The following CSMD1 variants were observed in gnomAD, a reference collection of about 807,000 sequenced individuals.
The protein encoded by CSMD1 is CUB and sushi domain-containing protein 1.
In CSMD1, 213 loss-of-function variants were observed where a neutral mutation model predicts 417.5. The observed-to-expected ratio is 0.51, with a 90% CI of 0.46 to 0.57. The LOEUF is 0.57. Among genes scored for constraint, CSMD1 ranks in the 20% least tolerant of loss-of-function variants. The pLI is 0.00. For missense variants in CSMD1, 6,923 were observed against 4,529.7 expected (o/e 1.53, Z -15.17); for synonymous variants, 2,862 against 1,736.8 (o/e 1.65, Z -16.11).
intron 1 of CSMD1, among the ~76,000 whole-genome samples, chr8:4,708,204 C>T (rs973940236): frequency 3.9e-5 from 6 of 152,104 alleles, no homozygotes; most frequent in African/African-American, 9.7e-5. Flanking sequence ...CCTACCTGGG[C>T]CTTCTAAAGT....
chr8:3,843,143 T>C (rs149319787), intron 5 of CSMD1, among the ~76,000 whole-genome samples: 132 of 152,318 alleles, frequency 8.7e-4, no homozygotes, highest in African/African-American at 1.4e-3. Context: ...GCACATCTAA[T>C]GGAATCAATT....
chr8:3,111,720 T>C (rs1816529095), intron 42 of CSMD1, among the ~76,000 whole-genome samples: 1 of 151,910 alleles, frequency 6.6e-6, no homozygotes, highest in South Asian at 2.1e-4. Flanking sequence ...TAATCCCAAG[T>C]ACTTGGGGGG....
At chr8:3,806,983 C>T (rs1461955020) in intron 5 of CSMD1, among the ~76,000 whole-genome samples, 1 of 152,094 alleles carries the variant, frequency 6.6e-6, no homozygotes, top group Non-Finnish European at 1.5e-5. Context: ...ATTCTAGCTA[C>T]TAGGTGCCAG....
chr8:3,560,348 T>A (rs534174352), intron 10 of CSMD1, among the ~76,000 whole-genome samples: 1 of 152,310 alleles, frequency 6.6e-6, no homozygotes, highest in South Asian at 2.1e-4. Flanking sequence ...ATCATTATCA[T>A]CACCACAGTT....
intron 3 of CSMD1, among the ~76,000 whole-genome samples, chr8:4,145,244 T>G (rs535385307): frequency 6.6e-6 from 1 of 151,092 alleles, no homozygotes; most frequent in East Asian, 1.9e-4. Flanking sequence ...ATTCATGACC[T>G]GGACAGGTAT....
At chr8:3,904,690 G>C (rs1403851242) in intron 5 of CSMD1, among the ~76,000 whole-genome samples, 4 of 135,340 alleles carry the variant, frequency 3.0e-5, no homozygotes, top group African/African-American at 1.2e-4. Context: ...CGGTTGGACT[G>C]CAGTGGTGCT....
intron 3 of CSMD1, among the ~76,000 whole-genome samples, chr8:4,334,279 G>A (rs1351336623): frequency 6.6e-6 from 1 of 152,096 alleles, no homozygotes. Context: ...CCTTACACGT[G>A]TTTGGTCAAA....
At chr8:4,716,695 G>C (rs571545848) in intron 1 of CSMD1, among the ~76,000 whole-genome samples, 1 of 152,086 alleles carries the variant, frequency 6.6e-6, no homozygotes, top group Non-Finnish European at 1.5e-5. Context: ...GATAATTAGA[G>C]GACTATTCAA....
At chr8:4,653,474 T>G (rs965769705) in intron 1 of CSMD1, among the ~76,000 whole-genome samples, 1 of 152,138 alleles carries the variant, frequency 6.6e-6, no homozygotes, top group African/African-American at 2.4e-5. Flanking sequence ...AAATTTGCAT[T>G]TCAAATAAAG....
At chr8:4,617,267 C>T (rs1293949974) in intron 2 of CSMD1, among the ~76,000 whole-genome samples, 1 of 152,082 alleles carries the variant, frequency 6.6e-6, no homozygotes, top group Non-Finnish European at 1.5e-5. Flanking sequence ...CGATTACTTG[C>T]TTCACCTTCT....
chr8:3,056,070 C>T (rs1812199366), intron 49 of CSMD1, among the ~76,000 whole-genome samples: 1 of 152,190 alleles, frequency 6.6e-6, no homozygotes, highest in Non-Finnish European at 1.5e-5. Flanking sequence ...CACATACACA[C>T]ATAAAATTTT....
At chr8:3,094,102 A>T (rs13275619) in intron 47 of CSMD1, among the ~76,000 whole-genome samples, 49,559 of 150,134 alleles carry the variant, frequency 0.33, 8,260 homozygotes, top group South Asian at 0.44. Flanking sequence ...ATTTTATTTT[A>T]TTTTTTATTT....
chr8:4,747,314 T>C (rs1210619185), intron 1 of CSMD1, among the ~76,000 whole-genome samples: 2 of 152,252 alleles, frequency 1.3e-5, no homozygotes, highest in East Asian at 3.8e-4. Flanking sequence ...GCTCTTCTCA[T>C]TTATTTCATA....
intron 12 of CSMD1, among the ~76,000 whole-genome samples, chr8:3,413,865 G>A (rs528353920): frequency 6.6e-6 from 1 of 152,152 alleles, no homozygotes; most frequent in East Asian, 1.9e-4. Flanking sequence ...ACAGCCAGAT[G>A]CGGTAGCTCA....
intron 2 of CSMD1, among the ~76,000 whole-genome samples, chr8:4,462,080 G>C (rs1378639486): frequency 1.3e-5 from 2 of 151,868 alleles, no homozygotes; most frequent in African/African-American, 2.4e-5. Context: ...TCACTGTGTT[G>C]CACAGGCTGG....
At chr8:3,957,109 C>G (rs1267022953) in intron 5 of CSMD1, among the ~76,000 whole-genome samples, 2 of 141,468 alleles carry the variant, frequency 1.4e-5, no homozygotes, top group Non-Finnish European at 3.1e-5. Flanking sequence ...ACTATTTCCT[C>G]ACGTTCCTGC....
chr8:3,615,303 G>T (rs75557795), intron 8 of CSMD1, among the ~76,000 whole-genome samples: 15,310 of 152,086 alleles, frequency 0.1, 989 homozygotes, highest in East Asian at 0.25. Flanking sequence ...AACTCGCCAT[G>T]GAAACAGACT....
At chr8:2,942,676 G>C in intron 68 of CSMD1, 72 bp from the exon 69 acceptor site, 3 of 1,234,342 alleles carry the variant, frequency 2.4e-6, no homozygotes, top group Non-Finnish European at 3.3e-6. Context: ...GATAAATTTT[G>C]TAAATGGATA....
intron 2 of CSMD1, among the ~76,000 whole-genome samples, chr8:4,622,260 A>C (rs1471643683): frequency 6.6e-6 from 1 of 151,908 alleles, no homozygotes; most frequent in Non-Finnish European, 1.5e-5. Flanking sequence ...AAGGCAAAAG[A>C]GGATACTTGC....
Sources: allele counts gnomAD v4.1 joint callset (sites outside exome capture counted in the v4.1 genomes callset), GRCh38; gene constraint gnomAD v4.1.1; transcripts MANE v1.5; gene names NCBI Gene and HGNC (gene_info 2026-07-23, HGNC 2026-07-21).